The following ARID3A variants were observed in gnomAD, a reference collection of about 807,000 sequenced individuals.
The protein encoded by ARID3A is AT-rich interactive domain-containing protein 3A.
A neutral mutation model predicts 52.7 loss-of-function variants in ARID3A; 11 were observed. The observed-to-expected ratio is 0.21, with a 90% confidence interval of 0.13 to 0.35. The LOEUF (loss-of-function observed/expected upper bound fraction) is 0.35. Ranked by LOEUF, ARID3A falls within the 10% of genes least tolerant of loss-of-function variation. ARID3A has a pLI of 1.00. For missense variants in ARID3A, 721 were observed against 838.5 expected (o/e 0.86, Z 1.73); for synonymous variants, 404 against 359.4 (o/e 1.12, Z -1.40).
At position 929,765 on chromosome 19, in the gene ARID3A, C is replaced by A. The variant is rs892776617; in HGVS notation, c.237C>A (p.Gly79=). Reference sequence around the variant, plus strand: ...GCCTGGGACACCCAGCCAGCCCCGGCGGCTCTGAGGATGGGCCCCCAGGCT... The same window carrying A: ...GCCTGGGACACCCAGCCAGCCCCGGAGGCTCTGAGGATGGGCCCCCAGGCT... The part of the protein sequence containing the change: ...AAGLGHPASP[G]GSEDGPPGSE... Residue 79 remains glycine (G), a synonymous_variant, in exon 2 of 9, where the codon GGC becomes GGA. Coordinates refer to ENST00000263620, the MANE Select transcript of ARID3A (RefSeq NM_005224.3). This position sits in a 1 kb window ranked among gnomAD's most constrained non-coding sequence, Gnocchi z 6.2. The A allele has an allele frequency of 6.4e-7, 1 of 1,552,632 alleles. No individual in the cohort carries two copies. The highest frequency in any genetic ancestry group is 8.7e-7 in the Non-Finnish European group (1 of 1,154,700).
Position 947,770 on chromosome 19 carries a change from T to C in ARID3A, c.694-12322T>C, listed in dbSNP as rs1363119070. Reference sequence around the variant, plus strand: ...TATCCGCCCCGTGGGTGCGGCGCTGTGTATTTCCAGAGAGGGGACTCGGGG... The same window carrying C: ...TATCCGCCCCGTGGGTGCGGCGCTGCGTATTTCCAGAGAGGGGACTCGGGG... On this transcript the variant is annotated intron_variant, in intron 3 of 8. Coordinates refer to ENST00000263620, the MANE Select transcript of ARID3A (RefSeq NM_005224.3). The surrounding 1 kb of genome is among the most constrained non-coding windows in gnomAD (Gnocchi z 6.3). Among the ~76,000 whole-genome samples the C allele has an allele frequency of 2.6e-5, 4 of 152,302 alleles. No homozygotes were observed. The highest frequency in any genetic ancestry group is 5.9e-5 in the Non-Finnish European group (4 of 68,018).
intron 3 of ARID3A, among the ~76,000 whole-genome samples, chr19:933,356 G>A (rs1006168974): frequency 2.6e-5 from 4 of 152,172 alleles, no homozygotes; most frequent in Admixed American, 2.0e-4. Flanking sequence ...GCCTTTCCCC[G>A]CAGGCGGCCA....
At chr19:933,848 G>GA (rs1457530903) in intron 3 of ARID3A, among the ~76,000 whole-genome samples, 5 of 141,844 alleles carry the variant, frequency 3.5e-5, no homozygotes, top group Non-Finnish European at 6.2e-5. Context: ...GGACTCGGTG[G>GA]GGGGGGGGGG....
At position 971,903 on chromosome 19, in the gene ARID3A, C is replaced by G; in HGVS notation, c.1620C>G (p.Ala540=). 6.2e-7 allele frequency: 1 copy of G among 1,603,194 alleles called. No individual in the cohort carries two copies. Among genetic ancestry groups the G allele is most frequent in the Non-Finnish European group, 8.5e-7 (1 of 1,175,008 alleles). The change falls in exon 9 of 9, where the codon GCC becomes GCG. Residue 540 remains alanine (A), a synonymous_variant. Transcript: ENST00000263620. Reference sequence around the variant, plus strand: ...GAGTTCTGTTTGCTCAGCCGCCGGCCCCCACGCCAACCTCTGCTCCCAACA... The same window carrying G: ...GAGTTCTGTTTGCTCAGCCGCCGGCGCCCACGCCAACCTCTGCTCCCAACA... ...YTGVLFAQPP[A]PTPTSAPNKG...
At chr19:951,170 T>C (rs1398114907) in intron 3 of ARID3A, among the ~76,000 whole-genome samples, 1 of 151,974 alleles carries the variant, frequency 6.6e-6, no homozygotes, top group Non-Finnish European at 1.5e-5. Flanking sequence ...TTGCTGAGGC[T>C]GATCTCAAAC....
rs2038281314 is a variant in ARID3A at position 971,872 on chromosome 19, C to T, written c.1595-6C>T. 2.5e-6 allele frequency: 4 copies of T among 1,597,854 alleles called. No homozygotes were observed. The highest frequency in any genetic ancestry group is 3.4e-6 in the Non-Finnish European group (4 of 1,172,656). ...GCATGGCATATGTCTTCTGTTCTTG[C>T]CTTAGGAGTTCTGTTTGCTCAGCCG... On this transcript the variant is annotated splice_polypyrimidine_tract_variant and splice_region_variant and intron_variant, in intron 8 of 8. Transcript: ENST00000263620.
At chr19:927,718 G>A (rs909165651) in intron 1 of ARID3A, among the ~76,000 whole-genome samples, 1 of 152,038 alleles carries the variant, frequency 6.6e-6, no homozygotes, top group African/African-American at 2.4e-5. Context: ...CCTCCAGCCT[G>A]GGGATGGGGG....
chr19:954,638 C>T (rs745472781), intron 3 of ARID3A, among the ~76,000 whole-genome samples: 8 of 152,084 alleles, frequency 5.3e-5, no homozygotes, highest in South Asian at 2.1e-4. Flanking sequence ...CCAGAAACCC[C>T]GTGAGGCCGG....
At position 941,663 on chromosome 19, in the gene ARID3A, C is replaced by A. The variant is rs142761590; in HGVS notation, c.693+8921C>A. ...GGGGTCTTGCCATCATGTTGCCCAG[C>A]CTGGTCTCAAACTCCTGGGCTCAAG... is the stretch of plus-strand genomic sequence containing the variant. On this transcript the variant is annotated intron_variant, in intron 3 of 8. Coordinates refer to ENST00000263620, the MANE Select transcript of ARID3A (RefSeq NM_005224.3). The surrounding 1 kb of genome is among the most constrained non-coding windows in gnomAD (Gnocchi z 6.9). 1.1e-4 allele frequency among the ~76,000 whole-genome samples: 16 copies of A among 152,194 alleles called. No individual in the cohort carries two copies. The East Asian group carries it at 3.1e-3, about 29-fold the overall frequency.
chr19:964,874 G>A lies in ARID3A; in HGVS notation c.992G>A (p.Gly331Asp). The A allele has an allele frequency of 6.2e-7, 1 of 1,613,996 alleles. No individual in the cohort carries two copies. The highest frequency in any genetic ancestry group is 8.5e-7 in the Non-Finnish European group (1 of 1,180,004). The change falls in exon 6 of 9, where the codon GGC becomes GAC. Residue 331 changes from glycine (G) to aspartate (D), a missense_variant. Gly to Asp is a moderately conservative substitution (Grantham distance 94, BLOSUM62 -1). This residue lies in a region of ARID3A where 43 missense variants were observed against 143.7 expected (regional missense o/e 0.30). Coordinates refer to ENST00000263620, the MANE Select transcript of ARID3A (RefSeq NM_005224.3). This position sits in a 1 kb window ranked among gnomAD's most constrained non-coding sequence, Gnocchi z 5.7. The part of the protein sequence containing the change: ...YLYPYECEKR[G>D]LSNPNELQAA... ...TACCCCTACGAGTGTGAGAAGCGGG[G>A]CCTCAGTAACCCCAATGAGCTCCAG...
chr19:970,492 GTTTTTC>G (rs1436059140), intron 8 of ARID3A, among the ~76,000 whole-genome samples: 4 of 124,176 alleles, frequency 3.2e-5, no homozygotes, highest in Non-Finnish European at 6.7e-5. Flanking sequence ...TAAATGAATA[GTTTTTC>G]TTTTTTTTTT....
rs1002007531 is a variant in ARID3A, at chr19:947,670, A to G, written c.694-12422A>G. On this transcript the variant is annotated intron_variant, in intron 3 of 8. Coordinates refer to ENST00000263620, the MANE Select transcript of ARID3A (RefSeq NM_005224.3). This position sits in a 1 kb window ranked among gnomAD's most constrained non-coding sequence, Gnocchi z 6.3. ...TCCCCCGGAATCTCGTGATCTGGAA[A>G]TCCACAGAGAAGCACCTTCACCACG... 6.6e-6 allele frequency among the ~76,000 whole-genome samples: 1 copy of G among 152,156 alleles called. No individual in the cohort carries two copies. The highest frequency in any genetic ancestry group is 1.5e-5 in the Non-Finnish European group (1 of 68,032).
chr19:972,120 G>T lies in ARID3A; in HGVS notation c.*55G>T. ...TGGAGCCCGCCGGCCTGGGCAGGGG[G>T]TCCAGGTGGGCCACACAGGGGCCAG... On this transcript the variant is annotated 3_prime_UTR_variant, in exon 9 of 9. Transcript: ENST00000263620. The T allele has an allele frequency of 6.8e-7, 1 of 1,461,096 alleles. No individual in the cohort carries two copies. The highest frequency in any genetic ancestry group is 9.0e-7 in the Non-Finnish European group (1 of 1,107,756). 90.5% of individuals were successfully genotyped at this position (1,461,096 alleles called of 1,614,324 possible).
chr19:932,760 G>T lies in ARID3A; in HGVS notation c.693+18G>T, dbSNP rs1007845133. ...TTAAGCAGGTGAGTGGGCGCGTCCCGCGTGGCGGCTGAGGCACCTGCTCCT... is the reference window on the plus strand; with the variant it reads ...TTAAGCAGGTGAGTGGGCGCGTCCCTCGTGGCGGCTGAGGCACCTGCTCCT... On this transcript the variant is annotated intron_variant, in intron 3 of 8. Coordinates refer to ENST00000263620, the MANE Select transcript of ARID3A (RefSeq NM_005224.3). The T allele has an allele frequency of 6.5e-7, 1 of 1,546,348 alleles. No homozygotes were observed. The highest frequency in any genetic ancestry group is 1.2e-5 in the South Asian group (1 of 83,922).
intron 3 of ARID3A, among the ~76,000 whole-genome samples, chr19:957,209 T>C (rs1474528548): frequency 6.6e-6 from 1 of 151,762 alleles, no homozygotes; most frequent in Non-Finnish European, 1.5e-5. Flanking sequence ...ATCTTCTTCC[T>C]CCCCAGCCAC....
At position 929,108 on chromosome 19, in the gene ARID3A, C is replaced by G. The variant is rs1004322334; in HGVS notation, c.-267-154C>G. The G allele has an allele frequency of 1.3e-5, 2 of 157,898 alleles. No homozygotes were observed. The highest frequency in any genetic ancestry group is 4.8e-5 in the African/African-American group (2 of 41,578). The allele number at this position is 157,898 out of a possible 1,614,324, so 9.8% of individuals were successfully genotyped here. ...ACCCAGGCCCACAGTAGGCTGTATG[C>G]GAAGAGCCTGCGCCTCTGCCTCCAA... On this transcript the variant is annotated intron_variant, in intron 1 of 8. Transcript: ENST00000263620. The surrounding 1 kb of genome is among the most constrained non-coding windows in gnomAD (Gnocchi z 6.2).
At position 960,030 on chromosome 19, in the gene ARID3A, G is replaced by A. The variant is rs2038005814; in HGVS notation, c.694-62G>A. ...CCTGACCTGGCCTCCAGTGCAGGAG[G>A]GACATGGTTCCCACACCTGAGCTCT... On this transcript the variant is annotated intron_variant, in intron 3 of 8. Coordinates refer to ENST00000263620, the MANE Select transcript of ARID3A (RefSeq NM_005224.3). The surrounding 1 kb of genome is among the most constrained non-coding windows in gnomAD (Gnocchi z 4.3). 2 of 1,473,686 alleles carry A rather than the reference G, an allele frequency of 1.4e-6. No individual in the cohort carries two copies. Among genetic ancestry groups the A allele is most frequent in the Non-Finnish European group, 1.9e-6 (2 of 1,063,146 alleles). 91.3% of individuals were successfully genotyped at this position (1,473,686 alleles called of 1,614,324 possible). A position where few individuals can be genotyped will look rare whatever the true frequency, so the allele number is the denominator to read the frequency against.
rs969422713 is a variant in ARID3A at position 974,959 on chromosome 19, G to A, written c.*2894G>A. On this transcript the variant is annotated 3_prime_UTR_variant, in exon 9 of 9. Transcript: ENST00000263620. ...CATGCTGGCCGTGGAAATGGGAGGC[G>A]GTTGCAGAGGGTCTATGGGGCCCGG... is the stretch of plus-strand genomic sequence containing the variant. 47 of 230,862 alleles carry A rather than the reference G, an allele frequency of 2.0e-4. No homozygotes were observed. The highest frequency in any genetic ancestry group is 2.7e-4 in the Non-Finnish European group (32 of 116,672). 14.3% of individuals were successfully genotyped at this position (230,862 alleles called of 1,614,324 possible).
chr19:952,517 AACCCT>A, intron 3 of ARID3A, among the ~76,000 whole-genome samples: 1 of 150,106 alleles, frequency 6.7e-6, no homozygotes, highest in African/African-American at 2.4e-5. Context: ...GTCTCGGGCC[AACCCT>A]CCTGGAGGCT....
Sources: allele counts gnomAD v4.1 joint callset (sites outside exome capture counted in the v4.1 genomes callset), GRCh38; gene constraint gnomAD v4.1.1; regional missense constraint gnomAD v4.1.1; non-coding constraint Gnocchi (gnomAD v3.1); transcripts MANE v1.5; gene names NCBI Gene and HGNC (gene_info 2026-07-23, HGNC 2026-07-21).